TNRC6B: variants seen among roughly 807,000 people sequenced by gnomAD.
The protein encoded by TNRC6B is trinucleotide repeat-containing gene 6B protein.
TNRC6B carries 52 observed loss-of-function variants against 203.6 expected under a neutral mutation model. The ratio of observed to expected loss-of-function variants is 0.26; its 90% CI spans 0.20 to 0.32. The LOEUF (loss-of-function observed/expected upper bound fraction) is 0.32. Among genes scored for constraint, TNRC6B ranks in the 10% least tolerant of loss-of-function variants. The pLI is 1.00. For missense variants in TNRC6B, 1,923 were observed against 2,286.2 expected (o/e 0.84, Z 3.24); for synonymous variants, 838 against 845.7 (o/e 0.99, Z 0.16).
intron 1 of TNRC6B, among the ~76,000 whole-genome samples, chr22:40,218,733 G>A (rs2069669986): frequency 6.6e-6 from 1 of 152,158 alleles, no homozygotes; most frequent in Non-Finnish European, 1.5e-5. Context: ...CCAAGCATGG[G>A]CGGCACAAGA....
At chr22:40,261,126 G>GA (rs1026736355) in intron 3 of TNRC6B, among the ~76,000 whole-genome samples, 1 of 150,440 alleles carries the variant, frequency 6.6e-6, no homozygotes, top group Non-Finnish European at 1.5e-5. Flanking sequence ...TCTAGAGGAG[G>GA]AAAAAAAAAT....
Position 40,107,292 on chromosome 22 carries a change from G to T in TNRC6B, c.-120-9763G>T, listed in dbSNP as rs988941380. 6.3e-4 allele frequency among the ~76,000 whole-genome samples: 96 copies of T among 151,992 alleles called. 1 individual carries two copies. The highest frequency in any genetic ancestry group is 2.3e-3 in the African/African-American group (95 of 41,498). ...AGTTCACCTGGAATTTGATTTTTGT[G>T]TATGGCAATTCTTAGCTAACTTATT... On this transcript the variant is annotated intron_variant, in intron 1 of 23. Transcript: ENST00000301923.
chr22:40,185,855 A>G (rs2069194888), intron 1 of TNRC6B, among the ~76,000 whole-genome samples: 2 of 152,204 alleles, frequency 1.3e-5, no homozygotes, highest in Non-Finnish European at 2.9e-5. Context: ...AGGTCCTGCT[A>G]TAAGGCTATG....
chr22:40,182,381 T>C (rs770010699), intron 1 of TNRC6B, among the ~76,000 whole-genome samples: 6 of 152,264 alleles, frequency 3.9e-5, no homozygotes, highest in African/African-American at 1.4e-4. Context: ...CATATGCTAA[T>C]TGTTTCTCTG....
chr22:40,080,180 T>C (rs1014846181), intron 1 of TNRC6B, among the ~76,000 whole-genome samples: 3 of 140,246 alleles, frequency 2.1e-5, no homozygotes, highest in Admixed American at 7.1e-5. Flanking sequence ...TGGCCGTAAG[T>C]GATCCTCCCA....
chr22:40,218,784 T>C (rs1218490659), intron 1 of TNRC6B, among the ~76,000 whole-genome samples: 1 of 152,228 alleles, frequency 6.6e-6, no homozygotes, highest in Non-Finnish European at 1.5e-5. Context: ...ACAGTTGGAT[T>C]CTGGTAACAG....
At chr22:40,313,372 C>T (rs2071212653) in intron 19 of TNRC6B, among the ~76,000 whole-genome samples, 1 of 151,772 alleles carries the variant, frequency 6.6e-6, no homozygotes, top group Non-Finnish European at 1.5e-5. Context: ...CCAATAATAG[C>T]TAGCTTTTCT....
intron 1 of TNRC6B, among the ~76,000 whole-genome samples, chr22:40,193,268 G>C (rs1213203577): frequency 1.3e-5 from 2 of 152,170 alleles, no homozygotes; most frequent in Non-Finnish European, 2.9e-5. Flanking sequence ...GTGTTCATCA[G>C]CGTCACCCCA....
chr22:40,228,768 C>T (rs1646803050), intron 1 of TNRC6B, among the ~76,000 whole-genome samples: 2 of 152,012 alleles, frequency 1.3e-5, no homozygotes, highest in South Asian at 2.1e-4. Flanking sequence ...TCGTGATCCA[C>T]CCACCTCGGC....
At chr22:40,108,402 G>C (rs142459287) in intron 1 of TNRC6B, among the ~76,000 whole-genome samples, 138 of 152,300 alleles carry the variant, frequency 9.1e-4, no homozygotes, top group African/African-American at 3.2e-3. Context: ...TTGTGTTCTT[G>C]GAAGTTAGGG....
chr22:40,170,913 A>ATG (rs762888087), intron 4 of TNRC6B, among the ~76,000 whole-genome samples: 4 of 142,848 alleles, frequency 2.8e-5, no homozygotes, highest in African/African-American at 1.0e-4. Flanking sequence ...ATGTGCATAT[A>ATG]TGTGTGTATA....
At chr22:40,207,399 C>T (rs4821934) in intron 1 of TNRC6B, among the ~76,000 whole-genome samples, 23,305 of 129,038 alleles carry the variant, frequency 0.18, 2,736 homozygotes, top group Admixed American at 0.33. Flanking sequence ...GGAGTGAGAC[C>T]CTGCCTCAAA....
intron 3 of TNRC6B, among the ~76,000 whole-genome samples, chr22:40,258,071 CTTTTTTTTTTTTT>C (rs56078653): frequency 3.1e-4 from 9 of 28,700 alleles, no homozygotes; most frequent in East Asian, 3.7e-3. Context: ...GATACACAGC[CTTTTTTTTTTTTT>C]TTTTTTTTTT....
At chr22:40,320,618 G>A (rs12485202) in intron 21 of TNRC6B, among the ~76,000 whole-genome samples, 42,336 of 152,136 alleles carry the variant, frequency 0.28, 6,876 homozygotes, top group South Asian at 0.44. Flanking sequence ...TGGGGTGAGG[G>A]GTACAGCCTT....
At chr22:40,209,147 C>A (rs916955109) in intron 1 of TNRC6B, among the ~76,000 whole-genome samples, 15 of 152,116 alleles carry the variant, frequency 9.9e-5, no homozygotes, top group African/African-American at 3.1e-4. Context: ...TGCATGTCAG[C>A]CATTTAATTT....
At chr22:40,202,265 T>G (rs1316151255) in intron 1 of TNRC6B, among the ~76,000 whole-genome samples, 3 of 151,668 alleles carry the variant, frequency 2.0e-5, no homozygotes, top group South Asian at 4.1e-4. Context: ...TTTTTGTTTT[T>G]TTTTTTTTTG....
At chr22:40,257,630 C>T (rs62238018) in intron 3 of TNRC6B, among the ~76,000 whole-genome samples, 73 of 152,170 alleles carry the variant, frequency 4.8e-4, no homozygotes, top group Non-Finnish European at 9.7e-4. Flanking sequence ...GCAGGAGAAT[C>T]GCTTGATCCT....
intron 11 of TNRC6B, 37 bp from the exon 12 acceptor site, chr22:40,285,608 T>C (rs2070769634): frequency 6.3e-7 from 1 of 1,594,992 alleles, no homozygotes. Flanking sequence ...TTTTCTTATG[T>C]TAACAAAAAG....
chr22:40,084,381 T>C (rs1403490111), intron 1 of TNRC6B, among the ~76,000 whole-genome samples: 2 of 152,158 alleles, frequency 1.3e-5, no homozygotes, highest in Non-Finnish European at 2.9e-5. Flanking sequence ...ACAAGGTCCT[T>C]CGAGCTGAGC....
Sources: allele counts gnomAD v4.1 joint callset (sites outside exome capture counted in the v4.1 genomes callset), GRCh38; gene constraint gnomAD v4.1.1; transcripts MANE v1.5; gene names NCBI Gene and HGNC (gene_info 2026-07-23, HGNC 2026-07-21).